Variants in MYSM1 observed in about 807,000 individuals in gnomAD.
MYSM1 encodes the protein Myb like, SWIRM and MPN domains 1.
Under a neutral mutation model 116.0 loss-of-function variants are expected in MYSM1, and 51 were observed. The observed-to-expected ratio is 0.44, with a 90% CI of 0.35 to 0.56. The LOEUF is 0.56. Ranked by LOEUF, MYSM1 falls within the 20% of genes least tolerant of loss-of-function variation. MYSM1 has a pLI of 0.00. For missense variants in MYSM1, 900 were observed against 974.9 expected, an observed-to-expected ratio of 0.92 and a Z score of 1.02; for synonymous variants, 313 against 315.2, an observed-to-expected ratio of 0.99 and a Z score of 0.07.
chr1:58,687,101 C>T (rs1315557986), intron 6 of MYSM1, among the ~76,000 whole-genome samples: 1 of 152,072 alleles, frequency 6.6e-6, no homozygotes, highest in Non-Finnish European at 1.5e-5. Context: ...ACCCAAGTCC[C>T]TACTCCCAAG....
intron 12 of MYSM1, among the ~76,000 whole-genome samples, chr1:58,671,239 T>G (rs1369854040): frequency 6.6e-6 from 1 of 152,168 alleles, no homozygotes; most frequent in Non-Finnish European, 1.5e-5. Context: ...GAAGACTATA[T>G]GAGCTAATAA....
At chr1:58,699,964 G>T (rs1048456855) in intron 1 of MYSM1, 21 bp downstream of exon 1, 1 of 1,613,262 alleles carries the variant, frequency 6.2e-7, no homozygotes, top group Non-Finnish European at 8.5e-7. Context: ...GCCCCAGAGA[G>T]ACCCGGTCTC....
At chr1:58,665,674 T>C (rs1644456809) in intron 16 of MYSM1, 43 bp from the exon 17 acceptor site, 1 of 1,297,432 alleles carries the variant, frequency 7.7e-7, no homozygotes, top group South Asian at 1.3e-5. Context: ...ACTATATAAA[T>C]TCAAAAGCCA....
At chr1:58,689,259 AAGGCT>A (rs1644870705) in intron 5 of MYSM1, 143 bp from the exon 6 acceptor site, 1 of 617,452 alleles carries the variant, frequency 1.6e-6, no homozygotes, top group African/African-American at 1.9e-5. Flanking sequence ...ACAAAACAAG[AAGGCT>A]ACAGCCTCTA....
In MYSM1 at chr1:58,655,765, G is replaced by A. The variant is rs1644312091; in HGVS notation, c.*4232C>T. On this transcript the variant is annotated 3_prime_UTR_variant, in exon 20 of 20. Coordinates refer to ENST00000472487, the MANE Select transcript of MYSM1 (RefSeq NM_001085487.3). ...AATATTAAAGTACTGGTAAACTAGA[G>A]ATGCTGATCAAATTTGTTAAATTAT... The A allele has an allele frequency of 6.6e-6, 1 of 152,086 alleles. No homozygotes were observed. The highest frequency in any genetic ancestry group is 1.9e-4 in the East Asian group (1 of 5,198). The allele number at this position is 152,086 out of a possible 1,614,324, so 9.4% of individuals were successfully genotyped here.
In MYSM1 at chr1:58,659,017, T is replaced by C. The variant is rs1271214785; in HGVS notation, c.*980A>G. 1 of 137,008 alleles carries C rather than the reference T, an allele frequency of 7.3e-6. No individual in the cohort carries two copies. Among genetic ancestry groups the C allele is most frequent in the Non-Finnish European group, 1.6e-5 (1 of 63,182 alleles). 8.5% of individuals were successfully genotyped at this position (137,008 alleles called of 1,614,324 possible). A position where few individuals can be genotyped will look rare whatever the true frequency, so the allele number is the denominator to read the frequency against. On this transcript the variant is annotated 3_prime_UTR_variant, in exon 20 of 20. Transcript: ENST00000472487. ...CACAAAGAAGAATGTCTCATAGACATCATATGTGGCCTGAAAAGCCAAAAT... is the reference window on the plus strand; with the variant it reads ...CACAAAGAAGAATGTCTCATAGACACCATATGTGGCCTGAAAAGCCAAAAT...
intron 3 of MYSM1, 190 bp downstream of exon 3, chr1:58,692,671 A>T (rs1359040719): frequency 8.6e-6 from 4 of 462,610 alleles, no homozygotes; most frequent in Non-Finnish European, 1.5e-5. Context: ...CAGATCTCAG[A>T]TGTTACAGTA....
In MYSM1 at chr1:58,659,965, G is replaced by A. The variant is rs1644367422; in HGVS notation, c.*32C>T. ...TAACTTTGAAAGTAAGATCTACTGT[G>A]TCAAGATTAAAATGTCTTAACTTTA... On this transcript the variant is annotated 3_prime_UTR_variant, in exon 20 of 20. Coordinates refer to ENST00000472487, the MANE Select transcript of MYSM1 (RefSeq NM_001085487.3). The A allele has an allele frequency of 1.5e-6, 2 of 1,342,848 alleles. No individual in the cohort carries two copies. Among genetic ancestry groups the A allele is most frequent in the Non-Finnish European group, 2.0e-6 (2 of 1,004,238 alleles). 83.2% of individuals were successfully genotyped at this position (1,342,848 alleles called of 1,614,324 possible). A position where few individuals can be genotyped will look rare whatever the true frequency, so the allele number is the denominator to read the frequency against.
At chr1:58,681,673 C>G in intron 8 of MYSM1, 112 bp downstream of exon 8, 1 of 1,049,450 alleles carries the variant, frequency 9.5e-7, no homozygotes, top group Non-Finnish European at 1.3e-6. Context: ...ATCTTCCCTA[C>G]TGTAGTGATC....
At position 58,667,924 on chromosome 1, in the gene MYSM1, A is replaced by G; in HGVS notation, c.1768-3T>C. 6.2e-7 allele frequency: 1 copy of G among 1,608,812 alleles called. No individual in the cohort carries two copies. Among genetic ancestry groups the G allele is most frequent in the Non-Finnish European group, 8.5e-7 (1 of 1,175,262 alleles). ...TCTGCCATAGAAACATGAGCATGCTAAAAGAAATACAAGACAGACTTAGCC... is the reference window on the plus strand; with the variant it reads ...TCTGCCATAGAAACATGAGCATGCTGAAAGAAATACAAGACAGACTTAGCC... On this transcript the variant is annotated splice_polypyrimidine_tract_variant and splice_region_variant and intron_variant, in intron 14 of 19. Transcript: ENST00000472487.
At chr1:58,662,654 G>T (rs772963382) in intron 17 of MYSM1, among the ~76,000 whole-genome samples, 4 of 149,520 alleles carry the variant, frequency 2.7e-5, no homozygotes, top group African/African-American at 4.9e-5. Context: ...AAATCAGAAG[G>T]CATGGAAAAA....
chr1:58,674,959 G>A (rs1001180653), intron 10 of MYSM1, among the ~76,000 whole-genome samples: 3 of 150,670 alleles, frequency 2.0e-5, no homozygotes, highest in African/African-American at 7.3e-5. Context: ...AAAAGTGTTG[G>A]ATCACATTTT....
chr1:58,658,292 G>A lies in MYSM1; in HGVS notation c.*1705C>T, dbSNP rs1427437617. 6.6e-6 allele frequency: 1 copy of A among 151,618 alleles called. No individual in the cohort carries two copies. The highest frequency in any genetic ancestry group is 1.5e-5 in the Non-Finnish European group (1 of 67,936). The allele number at this position is 151,618 out of a possible 1,614,324, so 9.4% of individuals were successfully genotyped here. A position where few individuals can be genotyped will look rare whatever the true frequency, so the allele number is the denominator to read the frequency against. ...ATTGTTTTATAAGCTATACTTCACT[G>A]TTTATCCTAAGTGCACACAGAGAAA... On this transcript the variant is annotated 3_prime_UTR_variant, in exon 20 of 20. Transcript: ENST00000472487.
chr1:58,687,882 T>C (rs1273280876), intron 6 of MYSM1, among the ~76,000 whole-genome samples: 3 of 152,142 alleles, frequency 2.0e-5, no homozygotes, highest in Admixed American at 6.6e-5. Flanking sequence ...CCCACTTCTG[T>C]AGGTTTTATG....
chr1:58,658,174 G>T lies in MYSM1; in HGVS notation c.*1823C>A, dbSNP rs1474282815. The T allele has an allele frequency of 6.6e-6, 1 of 152,044 alleles. No individual in the cohort carries two copies. Among genetic ancestry groups the T allele is most frequent in the Non-Finnish European group, 1.5e-5 (1 of 68,014 alleles). 9.4% of individuals were successfully genotyped at this position (152,044 alleles called of 1,614,324 possible). On this transcript the variant is annotated 3_prime_UTR_variant, in exon 20 of 20. Transcript: ENST00000472487. ...GTCCAGGTTATGTGTTTTGATTAAG[G>T]TCACACAGCAAAGTTGGTAACAGAG...
intron 8 of MYSM1, among the ~76,000 whole-genome samples, chr1:58,679,710 C>G (rs1039079958): frequency 1.3e-5 from 2 of 152,170 alleles, no homozygotes; most frequent in African/African-American, 2.4e-5. Context: ...CCTCTTGTCT[C>G]AGCCTCCAAA....
intron 8 of MYSM1, among the ~76,000 whole-genome samples, chr1:58,679,615 C>T (rs969762667): frequency 1.1e-4 from 16 of 152,006 alleles, no homozygotes; most frequent in Admixed American, 1.3e-4. Context: ...CACAACACCG[C>T]GCCTAAGTTT....
chr1:58,689,393 G>C (rs764335514), intron 5 of MYSM1: 1 of 295,776 alleles, frequency 3.4e-6, no homozygotes, highest in Admixed American at 4.9e-5. Flanking sequence ...GGAAGTCAAT[G>C]TGATAACAAA....
chr1:58,693,730 T>G (rs987325739), intron 2 of MYSM1, among the ~76,000 whole-genome samples: 2 of 152,244 alleles, frequency 1.3e-5, no homozygotes, highest in Non-Finnish European at 2.9e-5. Flanking sequence ...GAATGTTTCC[T>G]AACTGGTCCC....
Sources: gnomAD v4.1 joint callset for allele counts (sites outside exome capture counted in the v4.1 genomes callset) on GRCh38, gnomAD v4.1.1 for gene constraint, MANE v1.5 for transcripts, NCBI Gene and HGNC (gene_info 2026-07-23, HGNC 2026-07-21) for gene names.